MCF2L: variants seen among roughly 807,000 people sequenced by gnomAD.
MCF2L encodes MCF.2 cell line derived transforming sequence like, also known as guanine nucleotide exchange factor DBS.
A neutral mutation model predicts 153.4 loss-of-function variants in MCF2L; 97 were observed. The observed-to-expected ratio is 0.63, with a 90% confidence interval of 0.54 to 0.75. MCF2L has a LOEUF of 0.75. Ranked by LOEUF, MCF2L falls within the 30% of genes least tolerant of loss-of-function variation. The probability of loss-of-function intolerance (pLI) is 0.00; values close to 1 mark genes in which losing one functional copy is unlikely to be tolerated. For missense variants in MCF2L, 1,347 were observed against 1,495.2 expected, an observed-to-expected ratio of 0.90 and a Z score of 1.64; for synonymous variants, 659 against 632.2, an observed-to-expected ratio of 1.04 and a Z score of -0.64.
chr13:113,088,528 T>C (rs2034862238), intron 24 of MCF2L, 34 bp from the exon 25 acceptor site: 1 of 1,611,352 alleles, frequency 6.2e-7, no homozygotes, highest in South Asian at 1.1e-5. Context: ...GTAAAGACGC[T>C]CGTTCACGTG....
chr13:113,095,121 TA>T, intron 27 of MCF2L: 1 of 1,335,176 alleles, frequency 7.5e-7, no homozygotes, highest in South Asian at 1.2e-5. Context: ...ATGGAACTGC[TA>T]AGCATGGATT....
chr13:112,982,937 TGGGCTG>T (rs1247670125), intron 1 of MCF2L, among the ~76,000 whole-genome samples: 6 of 151,786 alleles, frequency 4.0e-5, no homozygotes, highest in African/African-American at 7.2e-5. Flanking sequence ...CCTCAGGAGC[TGGGCTG>T]GGGCTGGGGC....
At chr13:113,056,160 G>A (rs1332781334) in intron 4 of MCF2L, among the ~76,000 whole-genome samples, 1 of 152,266 alleles carries the variant, frequency 6.6e-6, no homozygotes. Flanking sequence ...GACGGGGAGG[G>A]CAGCCGCCCA....
At chr13:112,963,393 G>A (rs1052642699) in intron 2 of MCF2L, among the ~76,000 whole-genome samples, 3 of 152,336 alleles carry the variant, frequency 2.0e-5, no homozygotes, top group South Asian at 4.1e-4. Flanking sequence ...CTGAGCCTCC[G>A]CAGCTCCTCA....
At chr13:112,927,339 A>G (rs932144034) in intron 2 of MCF2L, among the ~76,000 whole-genome samples, 1 of 152,222 alleles carries the variant, frequency 6.6e-6, no homozygotes, top group East Asian at 1.9e-4. Context: ...AAGCATCTGT[A>G]TAAGTCCAGT....
In MCF2L at chr13:113,088,568, G is replaced by A; in HGVS notation, c.2774G>A (p.Ser925Asn). Reference protein sequence around the residue: ...TSQLQACREASQHRALEQSQS... With the variant: ...TSQLQACREANQHRALEQSQS... ...GTCTGCTCCCTCCTCGCAGAAGCCA[G>A]CCAGCACCGGGCGCTGGAGCAGTCA... The change falls in exon 25 of 30, where the codon AGC becomes AAC. Residue 925 changes from serine to asparagine, a missense_variant. This residue lies in a region of MCF2L where 383 missense variants were observed against 335.4 expected (regional missense o/e 1.14). Transcript: ENST00000535094. 1 of 1,610,872 alleles carries A rather than the reference G, an allele frequency of 6.2e-7. No individual in the cohort carries two copies. Among genetic ancestry groups the A allele is most frequent in the East Asian group, 2.2e-5 (1 of 44,858 alleles).
chr13:113,013,153 A>G (rs922984091), intron 1 of MCF2L, among the ~76,000 whole-genome samples: 7 of 152,206 alleles, frequency 4.6e-5, no homozygotes, highest in African/African-American at 1.7e-4. Context: ...CGTCGGCTGC[A>G]CCAGACACAC....
intron 1 of MCF2L, among the ~76,000 whole-genome samples, chr13:112,897,073 G>A (rs1257303439): frequency 2.6e-5 from 4 of 152,286 alleles, no homozygotes; most frequent in South Asian, 2.1e-4. Flanking sequence ...TCTTTAGTGC[G>A]TGGCCAGCTG....
chr13:112,963,317 C>T (rs2081855266), intron 2 of MCF2L, among the ~76,000 whole-genome samples: 1 of 152,234 alleles, frequency 6.6e-6, no homozygotes, highest in South Asian at 2.1e-4. Flanking sequence ...CCTCCTCTGG[C>T]AGGGTCTGAC....
At chr13:113,001,603 C>T (rs1016572081) in intron 1 of MCF2L, 3 of 1,043,658 alleles carry the variant, frequency 2.9e-6, no homozygotes, top group Admixed American at 8.8e-5. Flanking sequence ...AGGGTCTAGA[C>T]AAGCAACACC....
intron 2 of MCF2L, chr13:112,956,089 G>T (rs1472491769): frequency 6.6e-6 from 1 of 152,298 alleles, no homozygotes; most frequent in African/African-American, 2.4e-5. Flanking sequence ...TGTGGAGGCC[G>T]TGGCGTGGGC....
At chr13:112,918,950 C>G (rs2081325085) in intron 2 of MCF2L, among the ~76,000 whole-genome samples, 1 of 152,146 alleles carries the variant, frequency 6.6e-6, no homozygotes, top group South Asian at 2.1e-4. Context: ...CTGCGCTTCC[C>G]CGACGCGCGC....
At chr13:113,030,974 A>G (rs1049664934) in intron 3 of MCF2L, among the ~76,000 whole-genome samples, 6 of 152,208 alleles carry the variant, frequency 3.9e-5, no homozygotes, top group African/African-American at 1.4e-4. Flanking sequence ...TATGTCAGCT[A>G]TGGAGGGCGT....
intron 18 of MCF2L, 125 bp from the exon 19 acceptor site, chr13:113,084,767 A>G: frequency 2.7e-6 from 2 of 752,570 alleles, no homozygotes; most frequent in Non-Finnish European, 4.5e-6. Context: ...AATGCCTCGC[A>G]GGGCCGGGAA....
At chr13:113,022,434 A>G (rs1452302292) in intron 2 of MCF2L, among the ~76,000 whole-genome samples, 1 of 127,478 alleles carries the variant, frequency 7.8e-6, no homozygotes, top group Non-Finnish European at 1.6e-5. Context: ...CCATTTGCAC[A>G]GGGACGCAGG....
chr13:113,076,847 G>A (rs550433796), intron 12 of MCF2L, among the ~76,000 whole-genome samples: 7 of 152,344 alleles, frequency 4.6e-5, no homozygotes, highest in East Asian at 1.9e-4. Flanking sequence ...TCCCGAGGCC[G>A]GGGCCCCGTC....
Position 112,992,723 on chromosome 13 carries a change from C to T in MCF2L, c.80-22040C>T, listed in dbSNP as rs574443229. Among the ~76,000 whole-genome samples, 6 of 152,346 alleles carry T rather than the reference C, an allele frequency of 3.9e-5. No homozygotes were observed. The South Asian group carries it at 6.2e-4, about 16-fold the overall frequency. On this transcript the variant is annotated intron_variant, in intron 1 of 29. Transcript: ENST00000535094. ...GGGGAAAGGTGGAACTTGGCACTTA[C>T]GTAACTTACCCTTCTCCCCTTGGTG...
Position 113,094,596 on chromosome 13 carries a change from C to T in MCF2L, c.3036C>T (p.Ser1012=), listed in dbSNP as rs770706755. ...GTGCAGAGGAGCAGATTAACTCGTCCGACGCAGAGGAGGACGGCGGGTTGG... is the reference window on the plus strand; with the variant it reads ...GTGCAGAGGAGCAGATTAACTCGTCTGACGCAGAGGAGGACGGCGGGTTGG... ...WSSAEEQINS[S]DAEEDGGLGP... is the part of the protein sequence containing the mutation. Residue 1012 remains serine (S), a synonymous_variant, in exon 27 of 30, where the codon TCC becomes TCT. Coordinates refer to ENST00000535094, the MANE Select transcript of MCF2L (RefSeq NM_001112732.3). The T allele has an allele frequency of 2.6e-5, 42 of 1,612,422 alleles. No individual in the cohort carries two copies. Among genetic ancestry groups the T allele is most frequent in the South Asian group, 6.6e-5 (6 of 91,020 alleles).
At chr13:113,014,289 T>C (rs1225257710) in intron 1 of MCF2L, among the ~76,000 whole-genome samples, 1 of 152,198 alleles carries the variant, frequency 6.6e-6, no homozygotes, top group Non-Finnish European at 1.5e-5. Flanking sequence ...GTCCTGTGTG[T>C]GCGGAGGCAG....
Sources: gnomAD v4.1 joint callset for allele counts (sites outside exome capture counted in the v4.1 genomes callset) on GRCh38, gnomAD v4.1.1 for gene constraint, gnomAD v4.1.1 regional missense constraint, MANE v1.5 for transcripts, NCBI Gene and HGNC (gene_info 2026-07-23, HGNC 2026-07-21) for gene names.